CACNA1H: variants seen among roughly 807,000 people sequenced by gnomAD.
CACNA1H encodes the protein calcium voltage-gated channel subunit alpha1 H, also known as voltage-dependent T-type calcium channel subunit alpha-1H.
A neutral mutation model predicts 192.5 loss-of-function variants in CACNA1H; 149 were observed. The observed-to-expected ratio is 0.77, with a 90% CI of 0.68 to 0.89. The LOEUF is 0.89. Among genes scored for constraint, CACNA1H ranks in the 40% least tolerant of loss-of-function variants. CACNA1H has a pLI of 0.00. For synonymous variants in CACNA1H, 2,202 were observed against 1,475.2 expected, an observed-to-expected ratio of 1.49 and a Z score of -11.29; for missense variants, 4,257 against 3,423.5, an observed-to-expected ratio of 1.24 and a Z score of -6.08.
At position 1,211,506 on chromosome 16, in the gene CACNA1H, G is replaced by T. The variant is rs1403664698; in HGVS notation, c.4376G>T (p.Cys1459Phe). The change falls in exon 23 of 35, where the codon TGC becomes TTC. Residue 1459 changes from cysteine to phenylalanine, a missense_variant. Physicochemically the swap from Cys to Phe is radical, Grantham distance 205. Transcript: ENST00000348261. ...CTCTTCAAAGGGAAGTTCTACTACT[G>T]CGAGGGCCCCGACACCAGGAACATC... ...VQLFKGKFYY[C>F]EGPDTRNIST... 6.2e-7 allele frequency: 1 copy of T among 1,612,344 alleles called. No homozygotes were observed. Among genetic ancestry groups the T allele is most frequent in the African/African-American group, 1.3e-5 (1 of 74,910 alleles).
Position 1,211,999 on chromosome 16 carries a change from C to A in CACNA1H, c.4620C>A (p.Leu1540=). 6.2e-7 allele frequency: 1 copy of A among 1,613,584 alleles called. No individual in the cohort carries two copies. Among genetic ancestry groups the A allele is most frequent in the Admixed American group, 1.7e-5 (1 of 60,030 alleles). ...WMLLYFISFL[L]IVSFFVLNMF... is the part of the protein sequence containing the mutation. ...TGCTGTACTTCATCTCCTTCCTGCT[C>A]ATCGTCAGCTTCTTCGTGCTCAACA... is the stretch of plus-strand genomic sequence containing the variant. The change falls in exon 25 of 35, where the codon CTC becomes CTA. Residue 1540 remains leucine (L), a synonymous_variant. Coordinates refer to ENST00000348261, the MANE Select transcript of CACNA1H (RefSeq NM_021098.3).
At chr16:1,184,946 G>T (rs1057220535) in intron 2 of CACNA1H, among the ~76,000 whole-genome samples, 5 of 152,190 alleles carry the variant, frequency 3.3e-5, no homozygotes, top group Admixed American at 3.3e-4. Flanking sequence ...AAAGCGCACG[G>T]GTTAGCGACC....
At chr16:1,196,514 C>T (rs1401701440) in intron 5 of CACNA1H, among the ~76,000 whole-genome samples, 1 of 152,218 alleles carries the variant, frequency 6.6e-6, no homozygotes, top group Non-Finnish European at 1.5e-5. Flanking sequence ...GCTCTCCCCA[C>T]CCGCCACTGC....
chr16:1,196,468 G>C (rs962284830), intron 5 of CACNA1H, among the ~76,000 whole-genome samples: 3 of 152,174 alleles, frequency 2.0e-5, no homozygotes, highest in Non-Finnish European at 4.4e-5. Context: ...CCACACAAGT[G>C]AGGGGAGAGC....
chr16:1,159,133 G>A (rs1237846037), intron 2 of CACNA1H, among the ~76,000 whole-genome samples: 1 of 152,194 alleles, frequency 6.6e-6, no homozygotes, highest in Non-Finnish European at 1.5e-5. Flanking sequence ...AGTGGGGAGA[G>A]CCTCTGAACG....
intron 5 of CACNA1H, among the ~76,000 whole-genome samples, chr16:1,198,389 G>C (rs1217955714): frequency 6.6e-6 from 1 of 152,180 alleles, no homozygotes; most frequent in African/African-American, 2.4e-5. Flanking sequence ...ATGCACGTCA[G>C]ACCCCAGGGT....
intron 6 of CACNA1H, among the ~76,000 whole-genome samples, chr16:1,199,810 C>A (rs1447549795): frequency 6.6e-6 from 1 of 151,710 alleles, no homozygotes; most frequent in Non-Finnish European, 1.5e-5. Flanking sequence ...AGGGCTGCCT[C>A]CTTTCCCTCA....
In CACNA1H at chr16:1,210,891, G is replaced by A; in HGVS notation, c.4143G>A (p.Val1381=). The A allele has an allele frequency of 6.2e-7, 1 of 1,605,196 alleles. No homozygotes were observed. The highest frequency in any genetic ancestry group is 8.5e-7 in the Non-Finnish European group (1 of 1,179,730). ...TGGTGTCCCTGGTGGACATTGTCGT[G>A]GCCATGGCCTCGGCTGGTGGCGCCA... ...LVLVSLVDIV[V]AMASAGGAKI... is the part of the protein sequence containing the mutation. The change falls in exon 21 of 35, where the codon GTG becomes GTA. Residue 1381 remains valine (V), a synonymous_variant. Coordinates refer to ENST00000348261, the MANE Select transcript of CACNA1H (RefSeq NM_021098.3).
intron 26 of CACNA1H, among the ~76,000 whole-genome samples, chr16:1,213,097 G>A (rs912854639): frequency 2.0e-5 from 3 of 152,226 alleles, no homozygotes; most frequent in African/African-American, 7.2e-5. Context: ...CACCTGCCTG[G>A]GGGACACACG....
intron 2 of CACNA1H, among the ~76,000 whole-genome samples, chr16:1,173,222 G>A (rs562175075): frequency 1.2e-4 from 18 of 152,308 alleles, no homozygotes; most frequent in Admixed American, 2.6e-4. Context: ...ATGGGGTGCT[G>A]GTGGCCAGGC....
intron 33 of CACNA1H, 74 bp from the exon 34 acceptor site, chr16:1,218,896 G>A: frequency 1.4e-6 from 2 of 1,463,322 alleles, no homozygotes; most frequent in Non-Finnish European, 1.9e-6. Flanking sequence ...CAGGTTGGGG[G>A]AGGACGGGGG....
intron 3 of CACNA1H, among the ~76,000 whole-genome samples, 153 bp from the exon 4 acceptor site, chr16:1,195,279 C>A (rs1049971748): frequency 9.4e-6 from 1 of 105,836 alleles, no homozygotes; most frequent in African/African-American, 3.6e-5. Context: ...AGGTTCAAGG[C>A]GAGGCAGGGC....
chr16:1,153,909 C>T lies in CACNA1H; in HGVS notation c.172C>T (p.Arg58Cys), dbSNP rs1318598535. ...VSPSESPAAE[R>C]GAELGADEEQ... ...ACCCTCCGAGAGCCCGGCGGCCGAG[C>T]GCGGCGCGGAGCTGGGTGCCGACGA... Residue 58 changes from arginine (R) to cysteine (C), a missense_variant, in exon 2 of 35, where the codon CGC (arginine) becomes TGC (cysteine). Transcript: ENST00000348261. 34 of 1,452,764 alleles carry T rather than the reference C, an allele frequency of 2.3e-5. No individual in the cohort carries two copies. The highest frequency in any genetic ancestry group is 3.1e-5 in the East Asian group (1 of 32,562). 90.0% of individuals were successfully genotyped at this position (1,452,764 alleles called of 1,614,324 possible).
At chr16:1,182,530 G>C (rs1965579154) in intron 2 of CACNA1H, among the ~76,000 whole-genome samples, 1 of 152,142 alleles carries the variant, frequency 6.6e-6, no homozygotes, top group African/African-American at 2.4e-5. Flanking sequence ...ATGTTTGGCT[G>C]CTGCCCGGGC....
intron 2 of CACNA1H, among the ~76,000 whole-genome samples, chr16:1,166,191 T>C (rs1963753797): frequency 6.6e-6 from 1 of 152,150 alleles, no homozygotes; most frequent in African/African-American, 2.4e-5. Context: ...TGAGGGTGCC[T>C]CTTGCCCCTG....
chr16:1,214,203 G>T (rs1345624298), intron 27 of CACNA1H, among the ~76,000 whole-genome samples: 1 of 152,216 alleles, frequency 6.6e-6, no homozygotes, highest in Non-Finnish European at 1.5e-5. Context: ...GGGCTGGCAG[G>T]ACGTGAGCAT....
intron 2 of CACNA1H, among the ~76,000 whole-genome samples, chr16:1,174,780 G>T (rs1179371797): frequency 6.6e-6 from 1 of 152,244 alleles, no homozygotes; most frequent in Non-Finnish European, 1.5e-5. Flanking sequence ...CGAGTCGTTG[G>T]TGGATCGATT....
At chr16:1,211,398 C>G in intron 22 of CACNA1H, 83 bp from the exon 23 acceptor site, 1 of 1,605,898 alleles carries the variant, frequency 6.2e-7, no homozygotes, top group Non-Finnish European at 8.5e-7. Context: ...AGGGACAGCT[C>G]GGGCCTCACT....
intron 2 of CACNA1H, among the ~76,000 whole-genome samples, chr16:1,191,243 C>T (rs1462630434): frequency 1.4e-4 from 14 of 98,406 alleles, no homozygotes; most frequent in Admixed American, 1.8e-4. Context: ...CACTCGGGGT[C>T]TCTGACCCAG....
Sources: gnomAD v4.1 joint callset for allele counts (sites outside exome capture counted in the v4.1 genomes callset) on GRCh38, gnomAD v4.1.1 for gene constraint, MANE v1.5 for transcripts, NCBI Gene and HGNC (gene_info 2026-07-23, HGNC 2026-07-21) for gene names.